The following OTOGL variants were observed in gnomAD, a reference collection of about 807,000 sequenced individuals.
The protein encoded by OTOGL is otogelin-like protein.
Under a neutral mutation model 318.5 loss-of-function variants are expected in OTOGL, and 285 were observed. The observed-to-expected ratio is 0.89, with a 90% CI of 0.81 to 0.99. The LOEUF (loss-of-function observed/expected upper bound fraction) is 0.99. Ranked by LOEUF, OTOGL falls within the 50% of genes least tolerant of loss-of-function variation. OTOGL has a pLI of 0.00. For synonymous variants in OTOGL, 987 were observed against 936.5 expected, an observed-to-expected ratio of 1.05 and a Z score of -0.99; for missense variants, 2,899 against 2,845.6, an observed-to-expected ratio of 1.02 and a Z score of -0.43.
At chr12:80,349,710 G>T (rs989745892) in intron 44 of OTOGL, among the ~76,000 whole-genome samples, 1 of 152,132 alleles carries the variant, frequency 6.6e-6, no homozygotes, top group African/African-American at 2.4e-5. Context: ...TGCAAAGTAA[G>T]GTGGTTGGAA....
At chr12:80,344,865 A>G (rs1889059007) in intron 44 of OTOGL, among the ~76,000 whole-genome samples, 1 of 151,052 alleles carries the variant, frequency 6.6e-6, no homozygotes, top group African/African-American at 2.4e-5. Flanking sequence ...CAATGATGGG[A>G]TAAATTTTTA....
chr12:80,130,565 G>T (rs759652116), intron 1 of OTOGL, among the ~76,000 whole-genome samples: 16 of 152,200 alleles, frequency 1.1e-4, no homozygotes, highest in Non-Finnish European at 2.1e-4. Context: ...AGGGGACTAG[G>T]GTGAGCAATT....
chr12:80,234,265 A>G (rs1879643909), intron 9 of OTOGL, among the ~76,000 whole-genome samples: 1 of 152,190 alleles, frequency 6.6e-6, no homozygotes, highest in Non-Finnish European at 1.5e-5. Context: ...GATGTGTCCA[A>G]TGTAACACAG....
Position 80,378,016 on chromosome 12 carries a change from G to A in OTOGL, c.7030G>A (p.Glu2344Lys). 1.3e-6 allele frequency: 2 copies of A among 1,590,528 alleles called. No homozygotes were observed. Among genetic ancestry groups the A allele is most frequent in the East Asian group, 4.5e-5 (2 of 44,152 alleles). ...NGTEIMYTLQEPIDCTCQWN is the reference protein window; with the variant it reads ...NGTEIMYTLQKPIDCTCQWN ...CACTGAAATTATGTACACTCTCCAG[G>A]AACCCATAGACTGTACGTGCCAGTG... Residue 2344 changes from glutamate to lysine, a missense_variant, in exon 59 of 59, where the codon GAA (glutamate) becomes AAA (lysine). Glu to Lys is a moderately conservative substitution (Grantham distance 56, BLOSUM62 1). Around this residue, in one of 3 missense-constraint regions of OTOGL, gnomAD observed 289 missense variants for 304.6 expected, o/e 0.95. Coordinates refer to ENST00000547103, the MANE Select transcript of OTOGL (RefSeq NM_001378609.3).
chr12:80,149,520 T>G (rs1282033790), intron 1 of OTOGL, among the ~76,000 whole-genome samples: 1 of 152,084 alleles, frequency 6.6e-6, no homozygotes, highest in Non-Finnish European at 1.5e-5. Flanking sequence ...GCTGTCTTTT[T>G]GTTTGTCTGT....
rs564027538 is a variant in OTOGL, at chr12:80,238,827, T to C, written c.818-24T>C. 1.1e-5 allele frequency: 16 copies of C among 1,507,390 alleles called. No individual in the cohort carries two copies. In the Admixed American group the frequency reaches 1.7e-4, roughly 16 times the overall value. 93.4% of individuals were successfully genotyped at this position (1,507,390 alleles called of 1,614,324 possible). A position where few individuals can be genotyped will look rare whatever the true frequency, so the allele number is the denominator to read the frequency against. ...ATGATTACACCTATTTGTGTGTGTG[T>C]GTGTGTGTGCCTGTGTGAAATAGAG... On this transcript the variant is annotated intron_variant, in intron 9 of 58. Coordinates refer to ENST00000547103, the MANE Select transcript of OTOGL (RefSeq NM_001378609.3).
intron 1 of OTOGL, among the ~76,000 whole-genome samples, chr12:80,202,774 A>T (rs149509269): frequency 1.5e-4 from 23 of 152,306 alleles, no homozygotes; most frequent in African/African-American, 5.1e-4. Flanking sequence ...CAGAACCAAG[A>T]GTTACTGGAT....
At chr12:80,175,784 T>A (rs1874488553) in intron 1 of OTOGL, among the ~76,000 whole-genome samples, 1 of 152,176 alleles carries the variant, frequency 6.6e-6, no homozygotes, top group South Asian at 2.1e-4. Flanking sequence ...TAGAAGTAGC[T>A]CTTGTCTATA....
chr12:80,145,820 G>A (rs369818374), intron 1 of OTOGL, among the ~76,000 whole-genome samples: 28 of 151,926 alleles, frequency 1.8e-4, no homozygotes, highest in South Asian at 4.2e-4. Flanking sequence ...CTTTGAAGCA[G>A]TTGTGAATGG....
At chr12:80,356,995 G>T in intron 49 of OTOGL, 81 bp downstream of exon 49, 1 of 757,496 alleles carries the variant, frequency 1.3e-6, no homozygotes, top group South Asian at 2.7e-5. Flanking sequence ...AATTTTATGA[G>T]ACTGATGGCA....
rs145534900 is a variant in OTOGL at position 80,114,585 on chromosome 12, T to C, written c.-20+14980T>C. Among the ~76,000 whole-genome samples the C allele has an allele frequency of 4.6e-5, 7 of 152,306 alleles. No homozygotes were observed. In the East Asian group the frequency reaches 9.7e-4, roughly 21 times the overall value. ...TCAACCTTGGTGAATCTGACAATTA[T>C]GTGTCCTGGGGTTGCTCTTCTCGAG... is the stretch of plus-strand genomic sequence containing the variant. On this transcript the variant is annotated intron_variant, in intron 1 of 58. Transcript: ENST00000547103.
At chr12:80,313,216 A>G (rs904710797) in intron 30 of OTOGL, among the ~76,000 whole-genome samples, 13 of 152,206 alleles carry the variant, frequency 8.5e-5, no homozygotes, top group African/African-American at 2.9e-4. Context: ...CCAAAAATTA[A>G]TCTGTTATAT....
chr12:80,138,277 A>T (rs1429177709), intron 1 of OTOGL, among the ~76,000 whole-genome samples: 1 of 152,112 alleles, frequency 6.6e-6, no homozygotes, highest in Non-Finnish European at 1.5e-5. Context: ...CAATTGGTTG[A>T]TACGATAATT....
At chr12:80,183,007 T>C (rs944592909) in intron 1 of OTOGL, among the ~76,000 whole-genome samples, 10 of 152,220 alleles carry the variant, frequency 6.6e-5, no homozygotes, top group Admixed American at 6.5e-4. Flanking sequence ...TTTTACTTCA[T>C]TTTTTGGAAA....
chr12:80,198,012 A>G (rs983263035), intron 1 of OTOGL, among the ~76,000 whole-genome samples: 5 of 152,042 alleles, frequency 3.3e-5, no homozygotes, highest in Non-Finnish European at 5.9e-5. Context: ...GAAGCTGATT[A>G]TTATATATTC....
At chr12:80,128,394 T>C (rs1261050361) in intron 1 of OTOGL, among the ~76,000 whole-genome samples, 1 of 152,192 alleles carries the variant, frequency 6.6e-6, no homozygotes, top group East Asian at 1.9e-4. Flanking sequence ...TGATCGTTCC[T>C]CTGGAAGTTT....
In OTOGL at chr12:80,356,849, G is replaced by A; in HGVS notation, c.5954G>A (p.Cys1985Tyr). Reference sequence around the variant, plus strand: ...TGCCCCAGTATTTCAACACCAGAATGCAGAGAAGATCAATTCATGATTCAA... The same window carrying A: ...TGCCCCAGTATTTCAACACCAGAATACAGAGAAGATCAATTCATGATTCAA... ...LKCPSISTPE[C>Y]REDQFMIQVR... Residue 1985 changes from cysteine to tyrosine, a missense_variant, in exon 49 of 59, where the codon TGC becomes TAC. By Grantham distance (194) the Cys-to-Tyr change is radical. Coordinates refer to ENST00000547103, the MANE Select transcript of OTOGL (RefSeq NM_001378609.3). 3 of 1,598,344 alleles carry A rather than the reference G, an allele frequency of 1.9e-6. No individual in the cohort carries two copies. Among genetic ancestry groups the A allele is most frequent in the South Asian group, 1.1e-5 (1 of 88,302 alleles).
At position 80,377,508 on chromosome 12, in the gene OTOGL, G is replaced by T. The variant is rs1024647240; in HGVS notation, c.6861+306G>T. Among the ~76,000 whole-genome samples the T allele has an allele frequency of 4.5e-4, 68 of 152,166 alleles. 1 individual carries two copies. The highest frequency in any genetic ancestry group is 1.6e-3 in the African/African-American group (68 of 41,530). On this transcript the variant is annotated intron_variant, in intron 58 of 58. Transcript: ENST00000547103. ...CAAAAAGAGTTCTGCTTCTAACTTTGTCCCTTTTAATATGACCTGCAGTGT... is the reference window on the plus strand; with the variant it reads ...CAAAAAGAGTTCTGCTTCTAACTTTTTCCCTTTTAATATGACCTGCAGTGT...
intron 1 of OTOGL, among the ~76,000 whole-genome samples, chr12:80,115,022 C>G (rs1462933543): frequency 3.9e-5 from 6 of 151,908 alleles, no homozygotes; most frequent in African/African-American, 1.5e-4. Context: ...TATCAAGGTT[C>G]TTAGCTTCCT....
Sources: allele counts gnomAD v4.1 joint callset (sites outside exome capture counted in the v4.1 genomes callset), GRCh38; gene constraint gnomAD v4.1.1; regional missense constraint gnomAD v4.1.1; transcripts MANE v1.5; gene names NCBI Gene and HGNC (gene_info 2026-07-23, HGNC 2026-07-21).